WIPF2: variants seen among roughly 807,000 people sequenced by gnomAD.
WIPF2 encodes the protein WAS/WASL interacting protein family member 2, also known as WAS/WASL-interacting protein family member 2.
Under a neutral mutation model 38.8 loss-of-function variants are expected in WIPF2, and 23 were observed. The observed-to-expected ratio is 0.59, with a 90% CI of 0.43 to 0.84. The LOEUF (loss-of-function observed/expected upper bound fraction) is 0.84. Among genes scored for constraint, WIPF2 ranks in the 40% least tolerant of loss-of-function variants. The pLI is 0.00. For synonymous variants in WIPF2, 210 were observed against 223.2 expected, an observed-to-expected ratio of 0.94 and a Z score of 0.53; for missense variants, 574 against 580.5, an observed-to-expected ratio of 0.99 and a Z score of 0.11.
chr17:40,266,045 C>T (rs187610078), intron 5 of WIPF2, among the ~76,000 whole-genome samples: 7 of 152,032 alleles, frequency 4.6e-5, no homozygotes, highest in African/African-American at 9.6e-5. Flanking sequence ...GGAGAGGTTT[C>T]GGCTAGAGAG....
intron 1 of WIPF2, among the ~76,000 whole-genome samples, chr17:40,230,903 G>A (rs1861558690): frequency 6.6e-6 from 1 of 152,108 alleles, no homozygotes; most frequent in South Asian, 2.1e-4. Context: ...CGTAAGTCTT[G>A]TTGGACACGC....
Position 40,219,462 on chromosome 17 carries a change from G to T in WIPF2, c.-100G>T. On this transcript the variant is annotated 5_prime_UTR_variant, in exon 1 of 8. Transcript: ENST00000323571. Reference sequence around the variant, plus strand: ...GGACGAAGCCGGAGTGTAGGCGGCAGAGGATTCGCTCCCAGAGCAGCTGCG... The same window carrying T: ...GGACGAAGCCGGAGTGTAGGCGGCATAGGATTCGCTCCCAGAGCAGCTGCG... 1 of 258,604 alleles carries T rather than the reference G, an allele frequency of 3.9e-6. No homozygotes were observed. The highest frequency in any genetic ancestry group is 7.6e-6 in the Non-Finnish European group (1 of 131,522). 16.0% of individuals were successfully genotyped at this position (258,604 alleles called of 1,614,324 possible). A position where few individuals can be genotyped will look rare whatever the true frequency, so the allele number is the denominator to read the frequency against.
At chr17:40,235,972 T>C (rs1487712249) in intron 1 of WIPF2, among the ~76,000 whole-genome samples, 1 of 151,830 alleles carries the variant, frequency 6.6e-6, no homozygotes, top group Non-Finnish European at 1.5e-5. Context: ...ATTTTTTTTT[T>C]TTTTGAGATG....
intron 1 of WIPF2, among the ~76,000 whole-genome samples, chr17:40,234,447 A>G (rs1471197410): frequency 6.6e-6 from 1 of 151,698 alleles, no homozygotes; most frequent in East Asian, 1.9e-4. Context: ...AAACAAACAA[A>G]CAAACAAAAA....
Position 40,283,888 on chromosome 17 carries a change from G to A in WIPF2, c.*5663G>A, listed in dbSNP as rs1598509337. On this transcript the variant is annotated 3_prime_UTR_variant, in exon 8 of 8. Coordinates refer to ENST00000323571, the MANE Select transcript of WIPF2 (RefSeq NM_133264.5). ...CATCATAACCACTAAGGCTTAATGA[G>A]CTTAACTTGCACTTTCATCACTAGC... 6.6e-6 allele frequency: 1 copy of A among 152,130 alleles called. No homozygotes were observed. The allele number at this position is 152,130 out of a possible 1,614,324, so 9.4% of individuals were successfully genotyped here.
intron 5 of WIPF2, among the ~76,000 whole-genome samples, chr17:40,268,162 G>C (rs914669158): frequency 8.6e-5 from 13 of 152,032 alleles, no homozygotes; most frequent in Non-Finnish European, 1.3e-4. Flanking sequence ...AAAGGGTAAA[G>C]GTTATATCAT....
intron 3 of WIPF2, 141 bp from the exon 4 acceptor site, chr17:40,262,384 G>C: frequency 1.6e-6 from 1 of 627,250 alleles, no homozygotes. Flanking sequence ...TACCAGGCCT[G>C]CTTTTTTAAA....
intron 3 of WIPF2, chr17:40,260,965 CTGTGAT>C (rs2031882556): frequency 2.6e-6 from 1 of 387,448 alleles, no homozygotes; most frequent in African/African-American, 2.1e-5. Context: ...CTGCAGTGAG[CTGTGAT>C]CATGTCACTG....
chr17:40,235,399 G>GT (rs2030926687), intron 1 of WIPF2, among the ~76,000 whole-genome samples: 1 of 152,038 alleles, frequency 6.6e-6, no homozygotes, highest in African/African-American at 2.4e-5. Flanking sequence ...CCTAGACATA[G>GT]TAATTGTCAT....
chr17:40,278,369 A>C lies in WIPF2; in HGVS notation c.*144A>C. 1 of 905,062 alleles carries C rather than the reference A, an allele frequency of 1.1e-6. No individual in the cohort carries two copies. Among genetic ancestry groups the C allele is most frequent in the East Asian group, 2.7e-5 (1 of 37,472 alleles). The allele number at this position is 905,062 out of a possible 1,614,324, so 56.1% of individuals were successfully genotyped here. ...AGCCCTAGACTCCAAATGTCCTCCCAGCTCACCTCCATCTATGCATCTCAT... is the reference window on the plus strand; with the variant it reads ...AGCCCTAGACTCCAAATGTCCTCCCCGCTCACCTCCATCTATGCATCTCAT... On this transcript the variant is annotated 3_prime_UTR_variant, in exon 8 of 8. Coordinates refer to ENST00000323571, the MANE Select transcript of WIPF2 (RefSeq NM_133264.5).
chr17:40,266,756 T>G (rs993405746), intron 5 of WIPF2, among the ~76,000 whole-genome samples: 1 of 151,706 alleles, frequency 6.6e-6, no homozygotes, highest in Non-Finnish European at 1.5e-5. Context: ...AGGGAAAAAA[T>G]TGAATCAGAA....
At chr17:40,246,881 G>C (rs1254542589) in intron 1 of WIPF2, among the ~76,000 whole-genome samples, 1 of 152,034 alleles carries the variant, frequency 6.6e-6, no homozygotes, top group African/African-American at 2.4e-5. Flanking sequence ...GGAGGCCGAG[G>C]TGGGCGGATC....
intron 1 of WIPF2, among the ~76,000 whole-genome samples, chr17:40,238,742 T>C (rs1302308899): frequency 6.6e-6 from 1 of 151,778 alleles, no homozygotes; most frequent in Admixed American, 6.6e-5. Context: ...GCCTCCCGAG[T>C]AGCTGGGATT....
chr17:40,278,396 T>C lies in WIPF2; in HGVS notation c.*171T>C. 1.4e-6 allele frequency: 1 copy of C among 719,048 alleles called. No homozygotes were observed. Among genetic ancestry groups the C allele is most frequent in the Non-Finnish European group, 2.3e-6 (1 of 437,828 alleles). 44.5% of individuals were successfully genotyped at this position (719,048 alleles called of 1,614,324 possible). On this transcript the variant is annotated 3_prime_UTR_variant, in exon 8 of 8. Coordinates refer to ENST00000323571, the MANE Select transcript of WIPF2 (RefSeq NM_133264.5). ...CTCACCTCCATCTATGCATCTCATC[T>C]CTGGATTTGGTGATCAGACTCTATA...
At chr17:40,234,922 C>CTT (rs113668532) in intron 1 of WIPF2, among the ~76,000 whole-genome samples, 12 of 145,258 alleles carry the variant, frequency 8.3e-5, no homozygotes, top group African/African-American at 2.5e-4. Flanking sequence ...TCTTTTTTTC[C>CTT]TTTTTTTTTT....
chr17:40,279,885 A>G lies in WIPF2; in HGVS notation c.*1660A>G, dbSNP rs1039178833. The G allele has an allele frequency of 1.5e-4, 23 of 151,566 alleles. No individual in the cohort carries two copies. The highest frequency in any genetic ancestry group is 5.4e-4 in the African/African-American group (22 of 41,082). The allele number at this position is 151,566 out of a possible 1,614,324, so 9.4% of individuals were successfully genotyped here. A position where few individuals can be genotyped will look rare whatever the true frequency, so the allele number is the denominator to read the frequency against. ...AAAAAAAAAAAATTTAATCACACAC[A>G]TCACAGGCTTAAACTGTCTTAGAGA... On this transcript the variant is annotated 3_prime_UTR_variant, in exon 8 of 8. Coordinates refer to ENST00000323571, the MANE Select transcript of WIPF2 (RefSeq NM_133264.5).
intron 1 of WIPF2, among the ~76,000 whole-genome samples, chr17:40,244,066 G>C (rs948368117): frequency 1.3e-5 from 2 of 152,182 alleles, no homozygotes; most frequent in African/African-American, 4.8e-5. Context: ...TGAGAGGAGA[G>C]GGCTGTGAGC....
intron 1 of WIPF2, among the ~76,000 whole-genome samples, chr17:40,222,980 G>GT (rs201992388): frequency 0.1 from 15,536 of 149,806 alleles, 973 homozygotes; most frequent in East Asian, 0.29. Flanking sequence ...CGCATGTTTA[G>GT]TTTTTTAACT....
In WIPF2 at chr17:40,281,618, C is replaced by T. The variant is rs1246721818; in HGVS notation, c.*3393C>T. 4 of 152,594 alleles carry T rather than the reference C, an allele frequency of 2.6e-5. No individual in the cohort carries two copies. The highest frequency in any genetic ancestry group is 2.6e-4 in the Admixed American group (4 of 15,266). 9.5% of individuals were successfully genotyped at this position (152,594 alleles called of 1,614,324 possible). ...GCCATTGCACTGGGGAACTCCCTCA[C>T]CCCATGGCTTCCCAACTTGAAACCC... On this transcript the variant is annotated 3_prime_UTR_variant, in exon 8 of 8. Coordinates refer to ENST00000323571, the MANE Select transcript of WIPF2 (RefSeq NM_133264.5).
Sources: allele counts gnomAD v4.1 joint callset (sites outside exome capture counted in the v4.1 genomes callset), GRCh38; gene constraint gnomAD v4.1.1; transcripts MANE v1.5; gene names NCBI Gene and HGNC (gene_info 2026-07-23, HGNC 2026-07-21).